The following BMPR2 variants were observed in gnomAD, a reference collection of about 807,000 sequenced individuals.
BMPR2 encodes bone morphogenetic protein receptor type 2.
In BMPR2, 29 loss-of-function variants were observed where a neutral mutation model predicts 100.8. That is an observed-to-expected ratio of 0.29 (90% CI 0.21 to 0.39). The LOEUF (loss-of-function observed/expected upper bound fraction) is 0.39. BMPR2 is among the 10% of genes least tolerant of loss of function. BMPR2 has a pLI of 1.00. For missense variants in BMPR2, 1,011 were observed against 1,274.5 expected (o/e 0.79, Z 3.15); for synonymous variants, 382 against 442.3 (o/e 0.86, Z 1.71).
rs190925558 is a variant in BMPR2, at chr2:202,454,243, G to A, written c.77-10566G>A. ...CACCACCACACCTGGCTAATTTTTTGTATTTTTGGTAGAGATAGGGTTTTG... is the reference window on the plus strand; with the variant it reads ...CACCACCACACCTGGCTAATTTTTTATATTTTTGGTAGAGATAGGGTTTTG... On this transcript the variant is annotated intron_variant, in intron 1 of 12. Transcript: ENST00000374580. 2.9e-3 allele frequency among the ~76,000 whole-genome samples: 439 copies of A among 151,944 alleles called. 2 individuals carry two copies. The highest frequency in any genetic ancestry group is 0.01 in the African/African-American group (425 of 41,440).
At chr2:202,393,656 T>C (rs949492132) in intron 1 of BMPR2, among the ~76,000 whole-genome samples, 2 of 151,976 alleles carry the variant, frequency 1.3e-5, no homozygotes, top group African/African-American at 4.8e-5. Context: ...AGAATTATAT[T>C]TGAAAACAGA....
intron 3 of BMPR2, 98 bp downstream of exon 3, chr2:202,467,787 G>A: frequency 7.9e-7 from 1 of 1,263,308 alleles, no homozygotes; most frequent in South Asian, 1.2e-5. Context: ...AGCCAGGCGT[G>A]ATGGCTCATG....
intron 3 of BMPR2, among the ~76,000 whole-genome samples, chr2:202,511,077 A>C (rs1239090591): frequency 6.6e-6 from 1 of 151,770 alleles, no homozygotes; most frequent in Non-Finnish European, 1.5e-5. Context: ...GTGTTGTGCA[A>C]CTATTACCTC....
chr2:202,513,874 T>C (rs1420281893), intron 4 of BMPR2, 45 bp downstream of exon 4: 2 of 1,402,508 alleles, frequency 1.4e-6, no homozygotes, highest in Admixed American at 3.5e-5. Context: ...AAACATGCAA[T>C]TTAATCAATT....
intron 1 of BMPR2, among the ~76,000 whole-genome samples, chr2:202,454,207 C>G (rs1692043456): frequency 6.6e-6 from 1 of 152,030 alleles, no homozygotes; most frequent in African/African-American, 2.4e-5. Flanking sequence ...GTAGCTGGGA[C>G]TACAGGCACA....
chr2:202,404,477 T>A (rs1014399963), intron 1 of BMPR2, among the ~76,000 whole-genome samples: 2 of 152,166 alleles, frequency 1.3e-5, no homozygotes, highest in Non-Finnish European at 2.9e-5. Context: ...ATTACAGGCG[T>A]GAGCCACTGA....
chr2:202,419,968 G>T (rs1691225590), intron 1 of BMPR2, among the ~76,000 whole-genome samples: 1 of 152,018 alleles, frequency 6.6e-6, no homozygotes, highest in South Asian at 2.1e-4. Flanking sequence ...GGCCAACATA[G>T]TGAGACCTCG....
At chr2:202,377,580 C>CA (rs760311138) in intron 1 of BMPR2, 30 bp downstream of exon 1, 1 of 1,612,518 alleles carries the variant, frequency 6.2e-7, no homozygotes, top group East Asian at 2.2e-5. Flanking sequence ...ACGTCCCGGC[C>CA]ACTGCCCCTG....
At chr2:202,479,754 C>T (rs1692624039) in intron 3 of BMPR2, among the ~76,000 whole-genome samples, 1 of 152,066 alleles carries the variant, frequency 6.6e-6, no homozygotes, top group South Asian at 2.1e-4. Context: ...TTTAACCTTT[C>T]TCTACTTGAA....
rs1013522899 is a variant in BMPR2 at position 202,566,896 on chromosome 2, C to T, written c.*6950C>T. 6.6e-6 allele frequency: 1 copy of T among 152,028 alleles called. No homozygotes were observed. Among genetic ancestry groups the T allele is most frequent in the Non-Finnish European group, 1.5e-5 (1 of 68,012 alleles). 9.4% of individuals were successfully genotyped at this position (152,028 alleles called of 1,614,324 possible). The stretch of plus-strand genomic sequence containing the variant: ...GGCTCTTCACCTTGTTACCAATCCT[C>T]GTAAGTATGTAAAGGAAACATATTT... On this transcript the variant is annotated 3_prime_UTR_variant, in exon 13 of 13. Transcript: ENST00000374580.
At chr2:202,439,795 AG>A (rs1179127504) in intron 1 of BMPR2, among the ~76,000 whole-genome samples, 20 of 137,116 alleles carry the variant, frequency 1.5e-4, no homozygotes, top group African/African-American at 5.3e-4. Context: ...TGTTTCTCGG[AG>A]AGGGGGATTT....
intron 1 of BMPR2, among the ~76,000 whole-genome samples, chr2:202,407,560 C>T (rs1209475564): frequency 1.3e-5 from 2 of 151,854 alleles, no homozygotes; most frequent in Non-Finnish European, 2.9e-5. Context: ...ATCACGAGAT[C>T]AGGAGATCGA....
chr2:202,417,945 C>T (rs952665433), intron 1 of BMPR2, among the ~76,000 whole-genome samples: 1 of 151,976 alleles, frequency 6.6e-6, no homozygotes, highest in Non-Finnish European at 1.5e-5. Flanking sequence ...GTCTTGATCT[C>T]ATGACCTCCT....
At chr2:202,478,304 G>C (rs1293601514) in intron 3 of BMPR2, among the ~76,000 whole-genome samples, 2 of 152,158 alleles carry the variant, frequency 1.3e-5, no homozygotes, top group Admixed American at 6.6e-5. Flanking sequence ...TCAGGCATGA[G>C]TTATAGTGCT....
chr2:202,424,228 G>A (rs1691334159), intron 1 of BMPR2, among the ~76,000 whole-genome samples: 1 of 151,890 alleles, frequency 6.6e-6, no homozygotes, highest in Admixed American at 6.6e-5. Flanking sequence ...GCAAACGTTA[G>A]CTGGGCATAG....
At chr2:202,485,543 A>ATTTTTTTTTTTTT (rs1574472655) in intron 3 of BMPR2, among the ~76,000 whole-genome samples, 7 of 14,040 alleles carry the variant, frequency 5.0e-4, no homozygotes, top group African/African-American at 9.3e-4. Context: ...CTTTGCCTTT[A>ATTTTTTTTTTTTT]TCTTTTTTTT....
intron 1 of BMPR2, among the ~76,000 whole-genome samples, chr2:202,403,973 A>G (rs1418174360): frequency 6.6e-6 from 1 of 151,160 alleles, no homozygotes; most frequent in East Asian, 1.9e-4. Context: ...CTATTGCACT[A>G]TAGCCTGGAC....
chr2:202,533,748 A>C (rs1323034156), intron 9 of BMPR2, among the ~76,000 whole-genome samples: 1 of 151,924 alleles, frequency 6.6e-6, no homozygotes, highest in Admixed American at 6.5e-5. Context: ...GCTTGAACCC[A>C]GTAGGCGGAG....
rs1574454335 is a variant in BMPR2 at position 202,447,886 on chromosome 2, C to T, written c.77-16923C>T. The stretch of plus-strand genomic sequence containing the variant: ...AAAATTATGTAGGTTAAGAATGTTT[C>T]TAGGATATTCAAAATTTAGTCCTCT... On this transcript the variant is annotated intron_variant, in intron 1 of 12. Coordinates refer to ENST00000374580, the MANE Select transcript of BMPR2 (RefSeq NM_001204.7). Among the ~76,000 whole-genome samples, 3 of 150,256 alleles carry T rather than the reference C, an allele frequency of 2.0e-5. No individual in the cohort carries two copies. The South Asian group carries it at 6.2e-4, about 31-fold the overall frequency.
Sources: gnomAD v4.1 joint callset for allele counts (sites outside exome capture counted in the v4.1 genomes callset) on GRCh38, gnomAD v4.1.1 for gene constraint, MANE v1.5 for transcripts, NCBI Gene and HGNC (gene_info 2026-07-23, HGNC 2026-07-21) for gene names.